Variants in PACRG observed in about 807,000 individuals in gnomAD.
The protein encoded by PACRG is parkin coregulated gene protein.
Under a neutral mutation model 29.7 loss-of-function variants are expected in PACRG, and 29 were observed. The observed-to-expected ratio is 0.98, with a 90% CI of 0.73 to 1.33. The LOEUF (loss-of-function observed/expected upper bound fraction) is 1.33. Ranked by LOEUF, PACRG falls within the 40% of genes most tolerant of loss-of-function variation. The pLI is 0.00. For missense variants in PACRG, 279 were observed against 316.2 expected, an observed-to-expected ratio of 0.88 and a Z score of 0.89; for synonymous variants, 116 against 118.7, an observed-to-expected ratio of 0.98 and a Z score of 0.15.
At chr6:162,986,154 A>G (rs1802867729) in intron 2 of PACRG, among the ~76,000 whole-genome samples, 1 of 152,110 alleles carries the variant, frequency 6.6e-6, no homozygotes, top group African/African-American at 2.4e-5. Flanking sequence ...TAATTTACAA[A>G]TTCAATGCAA....
At chr6:163,253,913 G>C (rs1005445542) in intron 4 of PACRG, among the ~76,000 whole-genome samples, 4 of 152,204 alleles carry the variant, frequency 2.6e-5, no homozygotes, top group African/African-American at 9.7e-5. Context: ...GAGGGGCTTA[G>C]TGTTCCTGGA....
chr6:162,791,523 G>A (rs1024975233), intron 1 of PACRG, among the ~76,000 whole-genome samples: 1 of 152,052 alleles, frequency 6.6e-6, no homozygotes, highest in Non-Finnish European at 1.5e-5. Context: ...AGTGAAAACT[G>A]CAGGAGAGTA....
intron 2 of PACRG, among the ~76,000 whole-genome samples, chr6:163,015,461 A>C (rs943886963): frequency 5.9e-5 from 9 of 152,184 alleles, no homozygotes; most frequent in Non-Finnish European, 1.3e-4. Context: ...TTTTAATGAT[A>C]CCAATTCTGC....
At chr6:162,947,613 T>TATATATATACTCATATATATATATAATC (rs1562767284) in intron 2 of PACRG, among the ~76,000 whole-genome samples, 1 of 14,914 alleles carries the variant, frequency 6.7e-5, no homozygotes, top group African/African-American at 2.1e-4. Flanking sequence ...TATATAATCA[T>TATATATATACTCATATATATATATAATC]ATATATATAT....
intron 1 of PACRG, among the ~76,000 whole-genome samples, chr6:162,811,077 A>G (rs1363599979): frequency 6.6e-6 from 1 of 152,214 alleles, no homozygotes; most frequent in Non-Finnish European, 1.5e-5. Flanking sequence ...AGGGAAAGCA[A>G]TGTGAATGAG....
chr6:163,052,777 C>T (rs972351003), intron 2 of PACRG, among the ~76,000 whole-genome samples: 3 of 152,168 alleles, frequency 2.0e-5, no homozygotes, highest in Admixed American at 1.3e-4. Context: ...TATAGTATCA[C>T]TGTCTTACAC....
chr6:163,007,792 G>A (rs1886526), intron 2 of PACRG, among the ~76,000 whole-genome samples: 6,411 of 152,080 alleles, frequency 0.042, 174 homozygotes, highest in Non-Finnish European at 0.06. Context: ...GGGATCTCTG[G>A]GCTCTAGATG....
intron 2 of PACRG, among the ~76,000 whole-genome samples, chr6:162,816,985 C>T (rs1787410317): frequency 6.6e-6 from 1 of 152,112 alleles, no homozygotes; most frequent in African/African-American, 2.4e-5. Context: ...CCGAGGATAC[C>T]GGCCCTCTCT....
rs1313070902 is a variant in PACRG at position 162,946,687 on chromosome 6, GA to G, written c.292-115459del. Among the ~76,000 whole-genome samples, 3 of 152,008 alleles carry G rather than the reference GA, an allele frequency of 2.0e-5. No homozygotes were observed. In the East Asian group the frequency reaches 5.8e-4, roughly 29 times the overall value. On this transcript the variant is annotated intron_variant, in intron 2 of 4. Transcript: ENST00000366888. ...AACCAGTCAAAGATGGAACAAAAAAGAAAACTACAGACCGGATGAACATAGA... is the reference window on the plus strand; with the variant it reads ...AACCAGTCAAAGATGGAACAAAAAAGAAACTACAGACCGGATGAACATAGA...
chr6:162,775,677 A>T (rs1318839770), intron 1 of PACRG, among the ~76,000 whole-genome samples: 1 of 152,192 alleles, frequency 6.6e-6, no homozygotes, highest in Non-Finnish European at 1.5e-5. Context: ...TCTAGTGTCT[A>T]TCATGGTTCA....
chr6:163,241,091 G>A (rs59598701), intron 4 of PACRG, among the ~76,000 whole-genome samples: 2,080 of 152,130 alleles, frequency 0.014, 43 homozygotes, highest in South Asian at 0.049. Context: ...CAGAAAATTG[G>A]TATTTGATAT....
At chr6:163,015,912 T>C (rs1217153847) in intron 2 of PACRG, among the ~76,000 whole-genome samples, 1 of 152,246 alleles carries the variant, frequency 6.6e-6, no homozygotes, top group Non-Finnish European at 1.5e-5. Flanking sequence ...TTAATTGTTA[T>C]TAAAATCATA....
At chr6:163,001,076 G>T (rs916325490) in intron 2 of PACRG, among the ~76,000 whole-genome samples, 7 of 152,198 alleles carry the variant, frequency 4.6e-5, no homozygotes, top group Admixed American at 1.3e-4. Context: ...CCTTGGGGAT[G>T]GGTTACAGGT....
At chr6:162,773,768 G>C (rs895596440) in intron 1 of PACRG, among the ~76,000 whole-genome samples, 2 of 151,908 alleles carry the variant, frequency 1.3e-5, no homozygotes, top group African/African-American at 2.4e-5. Flanking sequence ...ACCCGCCTCG[G>C]CCTCCCAAAG....
At chr6:163,010,797 G>T (rs1045492278) in intron 2 of PACRG, among the ~76,000 whole-genome samples, 1 of 152,212 alleles carries the variant, frequency 6.6e-6, no homozygotes, top group South Asian at 2.1e-4. Flanking sequence ...GGATATAAAG[G>T]TGTGTTCTCC....
At chr6:163,303,953 T>C (rs1585414680) in intron 4 of PACRG, among the ~76,000 whole-genome samples, 1 of 141,090 alleles carries the variant, frequency 7.1e-6, no homozygotes, top group Admixed American at 7.5e-5. Context: ...AAGGTGGAGG[T>C]TGCAGCGAGC....
chr6:163,175,941 C>T (rs993383859), intron 4 of PACRG, among the ~76,000 whole-genome samples: 2 of 152,162 alleles, frequency 1.3e-5, no homozygotes, highest in Non-Finnish European at 2.9e-5. Context: ...ATCTAAAGCA[C>T]AGTTTGTGTT....
intron 2 of PACRG, among the ~76,000 whole-genome samples, chr6:163,011,289 C>T (rs1239457935): frequency 6.6e-6 from 1 of 152,184 alleles, no homozygotes; most frequent in East Asian, 1.9e-4. Flanking sequence ...CGGGACAACC[C>T]CACTACACAC....
intron 2 of PACRG, among the ~76,000 whole-genome samples, chr6:163,006,872 G>C (rs1030063205): frequency 1.3e-5 from 2 of 149,650 alleles, no homozygotes; most frequent in African/African-American, 4.9e-5. Context: ...TATAATGTTG[G>C]CTTCTCTTTT....
Sources: allele counts gnomAD v4.1 joint callset (sites outside exome capture counted in the v4.1 genomes callset), GRCh38; gene constraint gnomAD v4.1.1; transcripts MANE v1.5; gene names NCBI Gene and HGNC (gene_info 2026-07-23, HGNC 2026-07-21).